The following SLC44A1 variants were observed in gnomAD, a reference collection of about 807,000 sequenced individuals.
SLC44A1 encodes solute carrier family 44 member 1.
Under a neutral mutation model 79.3 loss-of-function variants are expected in SLC44A1, and 26 were observed. That is an observed-to-expected ratio of 0.33 (90% CI 0.24 to 0.46). The LOEUF (loss-of-function observed/expected upper bound fraction) is 0.46, where lower values mean the gene tolerates loss of function less well. Ranked by LOEUF, SLC44A1 falls within the 20% of genes least tolerant of loss-of-function variation. SLC44A1 has a pLI of 1.00. For synonymous variants in SLC44A1, 263 were observed against 286.2 expected, an observed-to-expected ratio of 0.92 and a Z score of 0.82; for missense variants, 688 against 798.1, an observed-to-expected ratio of 0.86 and a Z score of 1.66.
intron 4 of SLC44A1, among the ~76,000 whole-genome samples, chr9:105,342,819 A>G (rs542459660): frequency 1.2e-4 from 18 of 152,202 alleles, no homozygotes; most frequent in African/African-American, 4.3e-4. Context: ...TGCACTTGCT[A>G]TCTAAGTTCT....
intron 13 of SLC44A1, among the ~76,000 whole-genome samples, chr9:105,379,286 A>G (rs1828389240): frequency 6.6e-6 from 1 of 152,204 alleles, no homozygotes; most frequent in Non-Finnish European, 1.5e-5. Flanking sequence ...GAAAAAAAGT[A>G]AAATGACAAG....
chr9:105,322,942 G>C (rs1263580598), intron 3 of SLC44A1, among the ~76,000 whole-genome samples: 1 of 151,562 alleles, frequency 6.6e-6, no homozygotes, highest in East Asian at 1.9e-4. Flanking sequence ...ATTAAATAAG[G>C]CTGGGCGCAG....
At chr9:105,265,226 A>G (rs943442673) in intron 1 of SLC44A1, among the ~76,000 whole-genome samples, 9 of 152,172 alleles carry the variant, frequency 5.9e-5, no homozygotes, top group African/African-American at 2.2e-4. Flanking sequence ...GCATGGCCTT[A>G]TGGAGCCACC....
rs537529764 is a variant in SLC44A1 at position 105,396,013 on chromosome 9, C to T, written c.*6957C>T. 55 of 985,056 alleles carry T rather than the reference C, an allele frequency of 5.6e-5. No individual in the cohort carries two copies. The African/African-American group carries it at 9.6e-4, about 17-fold the overall frequency. 61.0% of individuals were successfully genotyped at this position (985,056 alleles called of 1,614,324 possible). ...GACTATTAAGTAGATTTTCCCCCAT[C>T]CTCTAGGTTCCTGTAGTCTGTGCTC... On this transcript the variant is annotated 3_prime_UTR_variant, in exon 16 of 16. Transcript: ENST00000374720.
intron 1 of SLC44A1, among the ~76,000 whole-genome samples, chr9:105,284,333 G>A (rs1830427117): frequency 1.3e-5 from 2 of 151,590 alleles, no homozygotes; most frequent in Admixed American, 1.3e-4. Flanking sequence ...CCAAAGTGCT[G>A]GGATTATAGG....
intron 1 of SLC44A1, among the ~76,000 whole-genome samples, chr9:105,246,835 T>C (rs1343580051): frequency 1.3e-5 from 2 of 152,176 alleles, no homozygotes; most frequent in Non-Finnish European, 2.9e-5. Context: ...CGATAGTGGG[T>C]CTTGCATTTG....
In SLC44A1 at chr9:105,385,490, G is replaced by A; in HGVS notation, c.1938G>A (p.Glu646=). 6.3e-7 allele frequency: 1 copy of A among 1,576,210 alleles called. No homozygotes were observed. The highest frequency in any genetic ancestry group is 2.3e-5 in the East Asian group (1 of 43,908). ...AGGGAGGCGTCGCTGATTCCAGAGA[G>A]CTAAAGCCGATGGTAGGTGGAGATG... The part of the protein sequence containing the change: ...AGKGGVADSR[E]LKPMASGASS... Residue 646 remains glutamate, a synonymous_variant, in exon 15 of 16, where the codon GAG becomes GAA. Transcript: ENST00000374720.
intron 6 of SLC44A1, among the ~76,000 whole-genome samples, chr9:105,357,556 T>G (rs913678093): frequency 6.6e-6 from 1 of 152,198 alleles, no homozygotes; most frequent in African/African-American, 2.4e-5. Context: ...TTAAGAAATT[T>G]ATAAATTATT....
intron 1 of SLC44A1, among the ~76,000 whole-genome samples, chr9:105,281,333 A>G (rs914678376): frequency 1.3e-5 from 2 of 152,120 alleles, no homozygotes; most frequent in African/African-American, 2.4e-5. Flanking sequence ...GCAGTGGCAC[A>G]TGTGTTTTAC....
intron 1 of SLC44A1, among the ~76,000 whole-genome samples, chr9:105,261,452 C>G (rs1269193037): frequency 6.6e-6 from 1 of 152,146 alleles, no homozygotes; most frequent in Non-Finnish European, 1.5e-5. Context: ...GTATTTTGTT[C>G]AGAGTGTGAC....
intron 5 of SLC44A1, 103 bp downstream of exon 5, chr9:105,348,554 G>A: frequency 2.8e-6 from 2 of 715,234 alleles, no homozygotes; most frequent in Non-Finnish European, 4.9e-6. Context: ...ATACCTGTTG[G>A]CCAGGTCCAA....
intron 3 of SLC44A1, among the ~76,000 whole-genome samples, chr9:105,326,642 T>G (rs1826586464): frequency 6.6e-6 from 1 of 152,180 alleles, no homozygotes; most frequent in Non-Finnish European, 1.5e-5. Flanking sequence ...AACTATGAAG[T>G]ATAAAATCTG....
At chr9:105,384,918 C>CT (rs976694858) in intron 14 of SLC44A1, among the ~76,000 whole-genome samples, 11 of 152,054 alleles carry the variant, frequency 7.2e-5, no homozygotes, top group Admixed American at 1.3e-4. Context: ...CAGATTGACA[C>CT]TTTTTTTAAA....
intron 4 of SLC44A1, among the ~76,000 whole-genome samples, chr9:105,347,858 T>G (rs1468256467): frequency 6.6e-6 from 1 of 152,064 alleles, no homozygotes; most frequent in Non-Finnish European, 1.5e-5. Context: ...TTGTAAGCAT[T>G]TAGTAATTGA....
rs994250736 is a variant in SLC44A1, at chr9:105,393,098, A to G, written c.*4042A>G. 4 of 985,304 alleles carry G rather than the reference A, an allele frequency of 4.1e-6. No homozygotes were observed. In the African/African-American group the frequency reaches 7.0e-5, roughly 17 times the overall value. The allele number at this position is 985,304 out of a possible 1,614,324, so 61.0% of individuals were successfully genotyped here. On this transcript the variant is annotated 3_prime_UTR_variant, in exon 16 of 16. Coordinates refer to ENST00000374720, the MANE Select transcript of SLC44A1 (RefSeq NM_080546.5). ...CTATAATGGCTTGCCTAGAACTGGT[A>G]AGAAGTGGTCTGTGAATGTATATTG...
intron 5 of SLC44A1, among the ~76,000 whole-genome samples, chr9:105,352,096 C>A (rs898879903): frequency 6.6e-6 from 1 of 151,706 alleles, no homozygotes; most frequent in African/African-American, 2.4e-5. Context: ...CCCTCTCTCT[C>A]TATAAAACAT....
intron 1 of SLC44A1, among the ~76,000 whole-genome samples, chr9:105,263,198 T>G (rs1807862007): frequency 6.6e-6 from 1 of 152,224 alleles, no homozygotes; most frequent in South Asian, 2.1e-4. Context: ...GTTTAAACAC[T>G]TCCAGCAACA....
intron 3 of SLC44A1, among the ~76,000 whole-genome samples, chr9:105,325,433 T>C (rs1206850834): frequency 6.6e-6 from 1 of 152,174 alleles, no homozygotes; most frequent in Non-Finnish European, 1.5e-5. Context: ...GAAAAAGGAA[T>C]GTATTTCTTA....
intron 15 of SLC44A1, among the ~76,000 whole-genome samples, chr9:105,427,456 T>C (rs1829337763): frequency 6.6e-6 from 1 of 152,080 alleles, no homozygotes; most frequent in South Asian, 2.1e-4. Flanking sequence ...TATTTTTTTA[T>C]AGAGACAGAG....
Sources: allele counts gnomAD v4.1 joint callset (sites outside exome capture counted in the v4.1 genomes callset), GRCh38; gene constraint gnomAD v4.1.1; transcripts MANE v1.5; gene names NCBI Gene and HGNC (gene_info 2026-07-23, HGNC 2026-07-21).